The following PRDM1 variants were observed in gnomAD, a reference collection of about 807,000 sequenced individuals.
The protein encoded by PRDM1 is PR domain zinc finger protein 1.
Under a neutral mutation model 62.8 loss-of-function variants are expected in PRDM1, and 13 were observed. The ratio of observed to expected loss-of-function variants is 0.21; its 90% CI spans 0.13 to 0.33. PRDM1 has a LOEUF of 0.33. PRDM1 is among the 10% of genes least tolerant of loss of function. The probability of loss-of-function intolerance (pLI) is 1.00; values close to 1 mark genes in which losing one functional copy is unlikely to be tolerated. For synonymous variants in PRDM1, 396 were observed against 417.6 expected, an observed-to-expected ratio of 0.95 and a Z score of 0.63; for missense variants, 895 against 1,058.8, an observed-to-expected ratio of 0.85 and a Z score of 2.15.
At chr6:106,056,829 T>C (rs145215335) in intron 1 of PRDM1, among the ~76,000 whole-genome samples, 29 of 151,814 alleles carry the variant, frequency 1.9e-4, no homozygotes, top group African/African-American at 6.8e-4. Context: ...TCCTCAGTTC[T>C]GAATAAGGTT....
At chr6:105,995,668 T>C (rs1772339582) in intron 1 of PRDM1, among the ~76,000 whole-genome samples, 1 of 152,174 alleles carries the variant, frequency 6.6e-6, no homozygotes, top group Non-Finnish European at 1.5e-5. Context: ...AGAATATTTA[T>C]GGAGGAAAAT....
chr6:106,087,313 T>C (rs1481315626), intron 1 of PRDM1, among the ~76,000 whole-genome samples: 2 of 152,248 alleles, frequency 1.3e-5, no homozygotes, highest in Non-Finnish European at 2.9e-5. Context: ...TAAACTGTAG[T>C]ACATCAGTGA....
chr6:106,016,207 A>G (rs1335050254), intron 1 of PRDM1, among the ~76,000 whole-genome samples: 1 of 152,150 alleles, frequency 6.6e-6, no homozygotes, highest in Non-Finnish European at 1.5e-5. Flanking sequence ...GGATTGCCAC[A>G]TTTTGTCTAT....
intron 3 of PRDM1, chr6:106,099,059 C>T: frequency 2.5e-6 from 4 of 1,613,812 alleles, no homozygotes; most frequent in Non-Finnish European, 3.4e-6. Context: ...GTTATTTTCC[C>T]GAACATGAAA....
At chr6:106,047,080 T>C (rs1773089074), upstream of PRDM1, among the ~76,000 whole-genome samples, 1 of 152,236 alleles carries the variant, frequency 6.6e-6, no homozygotes, top group South Asian at 2.1e-4. Context: ...CTTTCCTTGC[T>C]TCTTAACAAA....
At chr6:106,095,551 A>G in intron 2 of PRDM1, 64 bp from the exon 3 acceptor site, 1 of 1,566,484 alleles carries the variant, frequency 6.4e-7, no homozygotes, top group Non-Finnish European at 8.7e-7. Flanking sequence ...AATTTATTTA[A>G]TTGAAAAGAT....
upstream of PRDM1, among the ~76,000 whole-genome samples, chr6:105,993,266 T>C (rs574611953): frequency 1.3e-5 from 2 of 152,348 alleles, no homozygotes; most frequent in East Asian, 3.9e-4. Context: ...CAGGGATGTT[T>C]AGCTGGCATC....
intron 1 of PRDM1, among the ~76,000 whole-genome samples, chr6:106,033,991 G>A (rs1030904714): frequency 1.3e-4 from 19 of 151,952 alleles, no homozygotes; most frequent in East Asian, 3.9e-4. Flanking sequence ...TAGGTTTTGC[G>A]TTTCTAGGAA....
chr6:106,019,863 C>T (rs981001224), intron 1 of PRDM1, among the ~76,000 whole-genome samples: 2 of 143,990 alleles, frequency 1.4e-5, no homozygotes, highest in Non-Finnish European at 3.0e-5. Context: ...TGGTCTCAAA[C>T]TCCTGACCTC....
rs1774484708 is a variant in PRDM1, at chr6:106,106,248, CTTTTT to C, written c.1774-122_1774-118del. The C allele has an allele frequency of 1.4e-6, 2 of 1,402,716 alleles. No homozygotes were observed. The highest frequency in any genetic ancestry group is 4.5e-5 in the Admixed American group (2 of 44,136). 86.9% of individuals were successfully genotyped at this position (1,402,716 alleles called of 1,614,324 possible). On this transcript the variant is annotated intron_variant, in intron 5 of 6. Coordinates refer to ENST00000369096, the MANE Select transcript of PRDM1 (RefSeq NM_001198.4). The surrounding 1 kb of genome is among the most constrained non-coding windows in gnomAD (Gnocchi z 4.4). ...CATTCTGAAAACATGAAGATTTCTT[CTTTTT>C]AAGACTGTCTTGATGCTTTTCTTAA...
chr6:106,084,143 G>A (rs762347456), upstream of PRDM1, among the ~76,000 whole-genome samples: 13 of 151,898 alleles, frequency 8.6e-5, no homozygotes, highest in Non-Finnish European at 1.6e-4. Context: ...TCAAAAGTTG[G>A]TTTGGAGGTT....
intron 1 of PRDM1, among the ~76,000 whole-genome samples, chr6:106,024,179 A>G (rs1171519693): frequency 1.3e-5 from 2 of 152,118 alleles, no homozygotes; most frequent in African/African-American, 4.8e-5. Context: ...TGTTAATTTA[A>G]GTGTTCCTGA....
chr6:106,002,967 A>G (rs1477172400), intron 1 of PRDM1, among the ~76,000 whole-genome samples: 2 of 152,008 alleles, frequency 1.3e-5, no homozygotes, highest in Non-Finnish European at 1.5e-5. Context: ...AGGAATTTTT[A>G]CTTTATTATA....
chr6:106,052,313 G>GT (rs1773189553), intron 1 of PRDM1, among the ~76,000 whole-genome samples: 1 of 152,086 alleles, frequency 6.6e-6, no homozygotes, highest in South Asian at 2.1e-4. Flanking sequence ...TTTTTTGTTT[G>GT]TTTTTTCTTA....
intron 3 of PRDM1, 126 bp downstream of exon 3, chr6:106,095,860 T>A: frequency 9.7e-7 from 1 of 1,035,406 alleles, no homozygotes; most frequent in Non-Finnish European, 1.4e-6. Flanking sequence ...GTATCCAGCA[T>A]CCCCATGGAC....
At position 106,107,349 on chromosome 6, in the gene PRDM1, G is replaced by A. The variant is rs915929316; in HGVS notation, c.2341G>A (p.Gly781Arg). 1.2e-6 allele frequency: 2 copies of A among 1,614,080 alleles called. No individual in the cohort carries two copies. The highest frequency in any genetic ancestry group is 8.5e-7 in the Non-Finnish European group (1 of 1,180,016). Residue 781 changes from glycine (G) to arginine (R), a missense_variant, in exon 7 of 7, where the codon GGG becomes AGG. Physicochemically the swap from Gly to Arg is moderately radical, Grantham distance 125 (BLOSUM62 -2). Transcript: ENST00000369096. ...GLKVSLQRNM[G>R]NGLLSSGCSL... is the part of the protein sequence containing the mutation. ...GAAAGTGTCTTTGCAAAGAAACATG[G>A]GGAATGGACTCCTCTCCTCAGGGTG...
intron 1 of PRDM1, among the ~76,000 whole-genome samples, chr6:106,030,994 CTCTTT>C (rs1243631731): frequency 1.2e-4 from 7 of 57,238 alleles, no homozygotes; most frequent in South Asian, 8.1e-4. Flanking sequence ...TTTGTATTCT[CTCTTT>C]TTTTTTTTTT....
At chr6:106,008,679 G>A (rs775138662) in intron 1 of PRDM1, among the ~76,000 whole-genome samples, 2 of 152,184 alleles carry the variant, frequency 1.3e-5, no homozygotes, top group African/African-American at 2.4e-5. Flanking sequence ...AGTGTGAGAG[G>A]GAGGGTGGGG....
chr6:106,075,762 C>T (rs1212633639), intron 1 of PRDM1, among the ~76,000 whole-genome samples: 1 of 152,040 alleles, frequency 6.6e-6, no homozygotes, highest in African/African-American at 2.4e-5. Flanking sequence ...TTGCTATGTT[C>T]CTCAGGCTGG....
Sources: gnomAD v4.1 joint callset for allele counts (sites outside exome capture counted in the v4.1 genomes callset) on GRCh38, gnomAD v4.1.1 for gene constraint, Gnocchi (gnomAD v3.1) non-coding constraint, MANE v1.5 for transcripts, NCBI Gene and HGNC (gene_info 2026-07-23, HGNC 2026-07-21) for gene names.